Variants in SLC11A2 observed in about 807,000 individuals in gnomAD.
SLC11A2 encodes natural resistance-associated macrophage protein 2.
A neutral mutation model predicts 68.0 loss-of-function variants in SLC11A2; 38 were observed. The ratio of observed to expected loss-of-function variants is 0.56; its 90% CI spans 0.43 to 0.73. SLC11A2 has a LOEUF of 0.73. SLC11A2 is among the 30% of genes least tolerant of loss of function. SLC11A2 has a pLI of 0.00. For synonymous variants in SLC11A2, 242 were observed against 250.6 expected (o/e 0.97, Z 0.32); for missense variants, 517 against 690.5 (o/e 0.75, Z 2.82).
At chr12:50,962,174 T>C in the SLC11A2 span, among the ~76,000 whole-genome samples, 1 of 151,920 alleles carries the variant, frequency 6.6e-6, no homozygotes. Context: ...TCAACTGAGG[T>C]AAGGAGTTCG....
At chr12:51,025,346 TG>T (rs1592469095) in intron 1 of SLC11A2, among the ~76,000 whole-genome samples, 2 of 152,232 alleles carry the variant, frequency 1.3e-5, no homozygotes, top group African/African-American at 4.8e-5. Context: ...CCAACAACCC[TG>T]TAAGACTGAT....
chr12:50,995,506 G>T, intron 10 of SLC11A2, 123 bp downstream of exon 10: 1 of 1,044,104 alleles, frequency 9.6e-7, no homozygotes, highest in Non-Finnish European at 1.5e-6. Flanking sequence ...GGGGGCAGAC[G>T]AGAAGCTAGA....
chr12:50,978,646 A>T, downstream of SLC11A2, among the ~76,000 whole-genome samples: 1 of 145,802 alleles, frequency 6.9e-6, no homozygotes, highest in African/African-American at 2.6e-5. Context: ...TATAATAATA[A>T]AAAAAAAAAT....
At chr12:51,023,743 A>G (rs1420624558) in intron 1 of SLC11A2, among the ~76,000 whole-genome samples, 3 of 152,164 alleles carry the variant, frequency 2.0e-5, no homozygotes, top group Non-Finnish European at 4.4e-5. Flanking sequence ...TTTAAATCCT[A>G]AAGAAGTATT....
intron 3 of SLC11A2, among the ~76,000 whole-genome samples, chr12:51,007,653 GT>G (rs143138254): frequency 0.031 from 4,673 of 150,558 alleles, 211 homozygotes; most frequent in African/African-American, 0.1. Context: ...TTTGGTTTTC[GT>G]TTTTGAGAGG....
chr12:50,952,550 G>A, the SLC11A2 span, among the ~76,000 whole-genome samples: 31 of 152,084 alleles, frequency 2.0e-4, no homozygotes, highest in African/African-American at 5.8e-4. Flanking sequence ...GTCCACCACC[G>A]ACCCACCTCA....
chr12:51,025,879 A>T (rs893466492), intron 1 of SLC11A2: 5 of 987,834 alleles, frequency 5.1e-6, no homozygotes, highest in Non-Finnish European at 6.0e-6. Context: ...GAGGCCCCGG[A>T]GAGCAGCCCG....
chr12:51,019,742 G>A (rs1393555525), intron 1 of SLC11A2, among the ~76,000 whole-genome samples: 1 of 151,490 alleles, frequency 6.6e-6, no homozygotes, highest in Non-Finnish European at 1.5e-5. Flanking sequence ...CAACCTCCTG[G>A]GCTCAAGTGA....
the SLC11A2 span, among the ~76,000 whole-genome samples, chr12:50,952,663 G>A: frequency 3.3e-5 from 5 of 152,146 alleles, no homozygotes; most frequent in South Asian, 4.1e-4. Flanking sequence ...CCCTGGGCGC[G>A]TGTGCAGCTC....
chr12:50,992,728 C>T, intron 12 of SLC11A2, 82 bp downstream of exon 12: 1 of 1,326,852 alleles, frequency 7.5e-7, no homozygotes, highest in Non-Finnish European at 1.0e-6. Context: ...GAGACTCCAT[C>T]TCAAAAAAAA....
the SLC11A2 span, among the ~76,000 whole-genome samples, chr12:50,972,557 A>G: frequency 2.6e-5 from 4 of 152,246 alleles, no homozygotes; most frequent in African/African-American, 9.6e-5. Context: ...TACAGCTCCC[A>G]GCATGAGCGA....
At position 50,986,418 on chromosome 12, in the gene SLC11A2, A is replaced by T; in HGVS notation, c.*1907T>A. 7.8e-7 allele frequency: 1 copy of T among 1,283,326 alleles called. No individual in the cohort carries two copies. 79.5% of individuals were successfully genotyped at this position (1,283,326 alleles called of 1,614,324 possible). ...ATATTATAAAATGCCATTTAATTGG[A>T]AGGAGTTTTCTATCATTGCAAGTCA... On this transcript the variant is annotated 3_prime_UTR_variant, in exon 16 of 16. Transcript: ENST00000262052.
chr12:50,982,618 T>A (rs994616207), downstream of SLC11A2, among the ~76,000 whole-genome samples: 3 of 149,300 alleles, frequency 2.0e-5, no homozygotes, highest in Admixed American at 2.0e-4. Flanking sequence ...AGAGTCAGAC[T>A]CCGTCTCAAA....
At chr12:51,004,205 T>G (rs1278741432) in intron 5 of SLC11A2, among the ~76,000 whole-genome samples, 1 of 152,058 alleles carries the variant, frequency 6.6e-6, no homozygotes, top group Non-Finnish European at 1.5e-5. Context: ...CAAAACTAAG[T>G]TAAAAATATC....
At chr12:50,961,171 ATAG>A in the SLC11A2 span, 14 of 1,459,806 alleles carry the variant, frequency 9.6e-6, no homozygotes, top group Non-Finnish European at 1.3e-5. Context: ...TTATTCATTC[ATAG>A]TAGAAGATGA....
downstream of SLC11A2, among the ~76,000 whole-genome samples, chr12:50,985,370 C>T (rs767524002): frequency 3.9e-5 from 6 of 152,262 alleles, no homozygotes; most frequent in South Asian, 1.0e-3. Context: ...AGATGAATTC[C>T]ACTGTGTTAC....
At chr12:51,017,180 C>G (rs1198300651) in intron 1 of SLC11A2, among the ~76,000 whole-genome samples, 2 of 150,698 alleles carry the variant, frequency 1.3e-5, no homozygotes, top group Non-Finnish European at 2.9e-5. Flanking sequence ...GAAATATGTA[C>G]AAGGATATTT....
chr12:50,968,399 G>GT, the SLC11A2 span, among the ~76,000 whole-genome samples: 1 of 148,920 alleles, frequency 6.7e-6, no homozygotes, highest in Admixed American at 6.7e-5. Context: ...TTGTGTGTGT[G>GT]TGGGGGGAGA....
At chr12:50,960,131 T>G in the SLC11A2 span, among the ~76,000 whole-genome samples, 3 of 152,222 alleles carry the variant, frequency 2.0e-5, no homozygotes. Context: ...ACAGAAATAT[T>G]TGTATAGGCT....
Sources: gnomAD v4.1 joint callset for allele counts (sites outside exome capture counted in the v4.1 genomes callset) on GRCh38, gnomAD v4.1.1 for gene constraint, MANE v1.5 for transcripts, NCBI Gene and HGNC (gene_info 2026-07-23, HGNC 2026-07-21) for gene names.